The following PTPRM variants were observed in gnomAD, a reference collection of about 807,000 sequenced individuals.
PTPRM encodes receptor-type tyrosine-protein phosphatase mu.
In PTPRM, 47 loss-of-function variants were observed where a neutral mutation model predicts 186.7. The ratio of observed to expected loss-of-function variants is 0.25; its 90% CI spans 0.20 to 0.32. The LOEUF is 0.32. Among genes scored for constraint, PTPRM ranks in the 10% least tolerant of loss-of-function variants. PTPRM has a pLI of 1.00. For synonymous variants in PTPRM, 668 were observed against 674.9 expected (o/e 0.99, Z 0.16); for missense variants, 1,494 against 1,865.0 (o/e 0.80, Z 3.66).
intron 22 of PTPRM, among the ~76,000 whole-genome samples, chr18:8,341,046 C>CT (rs531493321): frequency 0.015 from 1,679 of 114,520 alleles, 39 homozygotes; most frequent in African/African-American, 0.052. Flanking sequence ...CTGTATAGTG[C>CT]TTGGGAGCAG....
rs73385639 is a variant in PTPRM at position 8,025,400 on chromosome 18, G to A, written c.1133-44286G>A. Among the ~76,000 whole-genome samples the A allele has an allele frequency of 8.1e-3, 1,233 of 152,272 alleles. 20 individuals carry two copies. The highest frequency in any genetic ancestry group is 0.029 in the African/African-American group (1,192 of 41,544). On this transcript the variant is annotated intron_variant, in intron 7 of 32. Coordinates refer to ENST00000580170, the MANE Select transcript of PTPRM (RefSeq NM_001105244.2). ...ATAGAGACATAAAGGTTATGACTGGGGGGATGGAGAAGACCACTGAGGCCT... is the reference window on the plus strand; with the variant it reads ...ATAGAGACATAAAGGTTATGACTGGAGGGATGGAGAAGACCACTGAGGCCT...
intron 1 of PTPRM, among the ~76,000 whole-genome samples, chr18:7,604,808 C>T (rs940944766): frequency 2.0e-5 from 3 of 152,148 alleles, no homozygotes; most frequent in African/African-American, 7.2e-5. Context: ...CACGCAGCAG[C>T]CAGCAAAGGT....
chr18:8,068,821 C>T (rs538878311), intron 7 of PTPRM, among the ~76,000 whole-genome samples: 38 of 152,006 alleles, frequency 2.5e-4, no homozygotes, highest in Non-Finnish European at 2.8e-4. Context: ...TTATTTTGGC[C>T]GGGTGTGGTG....
At chr18:8,387,957 A>G (rs1240099788) in intron 31 of PTPRM, among the ~76,000 whole-genome samples, 1 of 151,564 alleles carries the variant, frequency 6.6e-6, no homozygotes, top group East Asian at 1.9e-4. Flanking sequence ...AAAAAAAAAA[A>G]AGCCCACACC....
At chr18:8,071,951 G>A (rs1483761304) in intron 8 of PTPRM, among the ~76,000 whole-genome samples, 1 of 152,204 alleles carries the variant, frequency 6.6e-6, no homozygotes, top group Non-Finnish European at 1.5e-5. Flanking sequence ...AGAAATTTAT[G>A]TGGAGAGCTG....
chr18:8,243,384 C>G (rs914897403), intron 14 of PTPRM, among the ~76,000 whole-genome samples: 5 of 152,128 alleles, frequency 3.3e-5, no homozygotes, highest in Non-Finnish European at 5.9e-5. Context: ...TAGGGGTTGA[C>G]AAAACTTGAT....
In PTPRM at chr18:7,788,905, A is replaced by G. The variant is rs538581723; in HGVS notation, c.196+14634A>G. ...TGTCCAGCTGTTATAGATAGTTAAT[A>G]TTTAAGCTTCAGGAAGGAGACCTAA... On this transcript the variant is annotated intron_variant, in intron 2 of 32. Coordinates refer to ENST00000580170, the MANE Select transcript of PTPRM (RefSeq NM_001105244.2). Among the ~76,000 whole-genome samples the G allele has an allele frequency of 2.7e-4, 41 of 152,336 alleles. No homozygotes were observed. The South Asian group carries it at 7.7e-3, about 28-fold the overall frequency.
At chr18:8,024,723 A>C (rs2085460685) in intron 7 of PTPRM, among the ~76,000 whole-genome samples, 1 of 117,926 alleles carries the variant, frequency 8.5e-6, no homozygotes, top group Non-Finnish European at 1.7e-5. Flanking sequence ...TTGCTTTGTC[A>C]CCCAGGCTGG....
At chr18:8,199,311 G>C (rs2093821217) in intron 14 of PTPRM, among the ~76,000 whole-genome samples, 1 of 152,166 alleles carries the variant, frequency 6.6e-6, no homozygotes, top group Non-Finnish European at 1.5e-5. Flanking sequence ...GATCAGAGGA[G>C]CAGGGACCCA....
chr18:8,261,298 A>C (rs976654387), intron 19 of PTPRM, among the ~76,000 whole-genome samples: 3 of 152,176 alleles, frequency 2.0e-5, no homozygotes, highest in East Asian at 3.9e-4. Context: ...ATTAAGAATC[A>C]CACGGCTGTG....
intron 23 of PTPRM, among the ~76,000 whole-genome samples, chr18:8,370,297 T>G (rs539657802): frequency 1.3e-5 from 2 of 152,104 alleles, no homozygotes; most frequent in African/African-American, 4.8e-5. Context: ...GCATGCAAAA[T>G]TCTTCCACCT....
Position 7,975,098 on chromosome 18 carries a change from A to G in PTPRM, c.1132+19684A>G, listed in dbSNP as rs537649293. 1.2e-4 allele frequency among the ~76,000 whole-genome samples: 19 copies of G among 152,348 alleles called. No individual in the cohort carries two copies. In the South Asian group the frequency reaches 3.9e-3, roughly 32 times the overall value. ...ACACCTATTAGAATGGCCAAAATTCAGAACACTGCCACACATCAAATGCTG... is the reference window on the plus strand; with the variant it reads ...ACACCTATTAGAATGGCCAAAATTCGGAACACTGCCACACATCAAATGCTG... On this transcript the variant is annotated intron_variant, in intron 7 of 32. Transcript: ENST00000580170.
intron 1 of PTPRM, among the ~76,000 whole-genome samples, chr18:7,637,189 G>C (rs1421203919): frequency 4.1e-5 from 6 of 146,788 alleles, no homozygotes; most frequent in African/African-American, 1.5e-4. Flanking sequence ...AAAAAAAACA[G>C]TGTAATTCAT....
intron 2 of PTPRM, among the ~76,000 whole-genome samples, chr18:7,823,376 A>C (rs1368677554): frequency 2.0e-5 from 3 of 152,226 alleles, no homozygotes; most frequent in Non-Finnish European, 4.4e-5. Flanking sequence ...AAACAGAAGG[A>C]TGCCCATGGA....
intron 5 of PTPRM, among the ~76,000 whole-genome samples, chr18:7,937,569 C>A (rs1386999608): frequency 3.9e-5 from 6 of 152,240 alleles, no homozygotes; most frequent in Non-Finnish European, 7.3e-5. Context: ...GCCAAGTGGG[C>A]CCGCTGGGCC....
chr18:7,568,068 C>T lies in PTPRM; in HGVS notation c.73+177C>T, dbSNP rs1478236099. ...GGGCGCTGGGCGAGGGGCCGTGGGG[C>T]TGGCAGGCACCCAGTCCTCGGGCGG... On this transcript the variant is annotated intron_variant, in intron 1 of 32. Coordinates refer to ENST00000580170, the MANE Select transcript of PTPRM (RefSeq NM_001105244.2). The surrounding 1 kb of genome is among the most constrained non-coding windows in gnomAD (Gnocchi z 5.1). Among the ~76,000 whole-genome samples the T allele has an allele frequency of 6.6e-6, 1 of 151,866 alleles. No individual in the cohort carries two copies. The highest frequency in any genetic ancestry group is 2.1e-4 in the South Asian group (1 of 4,834).
At chr18:7,662,398 C>T (rs1347036054) in intron 1 of PTPRM, among the ~76,000 whole-genome samples, 1 of 152,158 alleles carries the variant, frequency 6.6e-6, no homozygotes, top group Non-Finnish European at 1.5e-5. Context: ...GAATGAGATC[C>T]TGTCATTTGC....
intron 13 of PTPRM, among the ~76,000 whole-genome samples, chr18:8,140,867 A>G (rs1436256079): frequency 6.6e-6 from 1 of 152,228 alleles, no homozygotes; most frequent in Non-Finnish European, 1.5e-5. Flanking sequence ...TGGCAAGAAA[A>G]TAACAAGACC....
intron 19 of PTPRM, among the ~76,000 whole-genome samples, chr18:8,274,171 AG>A (rs1244956806): frequency 6.6e-6 from 1 of 152,128 alleles, no homozygotes; most frequent in Non-Finnish European, 1.5e-5. Context: ...TGCTTTGTTT[AG>A]GGTCTTGATA....
Sources: gnomAD v4.1 joint callset for allele counts (sites outside exome capture counted in the v4.1 genomes callset) on GRCh38, gnomAD v4.1.1 for gene constraint, Gnocchi (gnomAD v3.1) non-coding constraint, MANE v1.5 for transcripts, NCBI Gene and HGNC (gene_info 2026-07-23, HGNC 2026-07-21) for gene names.